Variants in GRID2 observed in about 807,000 individuals in gnomAD.
GRID2 encodes the protein glutamate receptor ionotropic, delta-2.
A neutral mutation model predicts 114.8 loss-of-function variants in GRID2; 33 were observed. The observed-to-expected ratio is 0.29, with a 90% CI of 0.22 to 0.38. The LOEUF is 0.38. Ranked by LOEUF, GRID2 falls within the 10% of genes least tolerant of loss-of-function variation. GRID2 has a pLI of 1.00. For missense variants in GRID2, 1,184 were observed against 1,257.7 expected (o/e 0.94, Z 0.89); for synonymous variants, 505 against 449.9 (o/e 1.12, Z -1.55).
At chr4:93,265,437 C>T (rs1234131431) in intron 8 of GRID2, among the ~76,000 whole-genome samples, 1 of 152,100 alleles carries the variant, frequency 6.6e-6, no homozygotes, top group Non-Finnish European at 1.5e-5. Context: ...AATTTAGAAA[C>T]TATAGTAAAT....
intron 12 of GRID2, among the ~76,000 whole-genome samples, chr4:93,495,691 A>G (rs557475082): frequency 2.0e-4 from 30 of 151,756 alleles, no homozygotes; most frequent in Non-Finnish European, 3.8e-4. Context: ...ATTTACAGCA[A>G]TTAACTAGTA....
intron 8 of GRID2, among the ~76,000 whole-genome samples, chr4:93,366,494 A>G (rs574973916): frequency 1.3e-5 from 2 of 152,202 alleles, no homozygotes; most frequent in South Asian, 2.1e-4. Flanking sequence ...GTTGTCAATG[A>G]CAATGGTGCC....
chr4:93,028,443 C>T (rs1578791358), intron 2 of GRID2, among the ~76,000 whole-genome samples: 1 of 151,712 alleles, frequency 6.6e-6, no homozygotes, highest in Non-Finnish European at 1.5e-5. Flanking sequence ...AGAAATGAGA[C>T]CGGAAAGAGT....
At chr4:92,385,900 G>GTATA (rs34904839) in intron 1 of GRID2, among the ~76,000 whole-genome samples, 1,381 of 61,088 alleles carry the variant, frequency 0.023, 15 homozygotes, top group Non-Finnish European at 0.04. Context: ...GTGTGTGTGT[G>GTATA]TATATATATA....
chr4:92,419,716 TCTTC>T (rs1329671604), intron 1 of GRID2, among the ~76,000 whole-genome samples: 2 of 152,020 alleles, frequency 1.3e-5, no homozygotes, highest in Non-Finnish European at 2.9e-5. Flanking sequence ...AAAATCACCT[TCTTC>T]CTTCCTTTTT....
At chr4:93,344,984 AGTGTGTGTGT>A (rs35018148) in intron 8 of GRID2, among the ~76,000 whole-genome samples, 23 of 142,498 alleles carry the variant, frequency 1.6e-4, no homozygotes, top group Non-Finnish European at 2.2e-4. Context: ...GTTGTATTCT[AGTGTGTGTGT>A]GTGTGTGTGT....
chr4:93,718,127 A>C (rs1278308998), intron 14 of GRID2, among the ~76,000 whole-genome samples: 3 of 152,220 alleles, frequency 2.0e-5, no homozygotes, highest in Non-Finnish European at 4.4e-5. Context: ...AGTATTTTAG[A>C]GGCACAGTGC....
chr4:93,440,197 CT>C (rs1220543642), intron 10 of GRID2, among the ~76,000 whole-genome samples: 1 of 152,052 alleles, frequency 6.6e-6, no homozygotes, highest in African/African-American at 2.4e-5. Context: ...ATTTTCATTA[CT>C]GCAAACCAGC....
intron 1 of GRID2, among the ~76,000 whole-genome samples, chr4:92,321,241 C>CT (rs1382275318): frequency 6.6e-6 from 1 of 152,112 alleles, no homozygotes; most frequent in African/African-American, 2.4e-5. Context: ...CTTCGGGCCT[C>CT]TTTTTTCCAC....
rs186458712 is a variant in GRID2, at chr4:93,267,538, G to A, written c.1245+29048G>A. Among the ~76,000 whole-genome samples, 936 of 152,234 alleles carry A rather than the reference G, an allele frequency of 6.1e-3. 9 individuals are homozygous for A. The highest frequency in any genetic ancestry group is 0.021 in the African/African-American group (880 of 41,532). On this transcript the variant is annotated intron_variant, in intron 8 of 15. Transcript: ENST00000282020. ...TGCCAACCTGGCAGGGCTTTCTCCC[G>A]CCACCCAAAGCTAGTGCTAAGTCAG...
intron 4 of GRID2, among the ~76,000 whole-genome samples, chr4:93,142,354 G>A (rs1040114069): frequency 5.3e-5 from 8 of 152,098 alleles, no homozygotes; most frequent in East Asian, 1.9e-4. Context: ...ATGGATGCTA[G>A]GAGGTCCAAG....
chr4:92,534,508 C>G (rs1350699014), intron 1 of GRID2, among the ~76,000 whole-genome samples: 1 of 152,120 alleles, frequency 6.6e-6, no homozygotes, highest in Non-Finnish European at 1.5e-5. Flanking sequence ...AGTTTAAATA[C>G]TGAACAAGTC....
At chr4:92,998,334 G>T (rs1755330578) in intron 2 of GRID2, among the ~76,000 whole-genome samples, 1 of 151,846 alleles carries the variant, frequency 6.6e-6, no homozygotes, top group Non-Finnish European at 1.5e-5. Context: ...CTTAATCAAA[G>T]AAAATTATAT....
At chr4:93,180,985 C>A (rs1310284893) in intron 4 of GRID2, among the ~76,000 whole-genome samples, 3 of 152,122 alleles carry the variant, frequency 2.0e-5, no homozygotes, top group Non-Finnish European at 4.4e-5. Context: ...CATGAATATT[C>A]TTAATGGCAT....
intron 2 of GRID2, among the ~76,000 whole-genome samples, chr4:92,736,983 A>G (rs1211748434): frequency 6.6e-6 from 1 of 152,090 alleles, no homozygotes; most frequent in Non-Finnish European, 1.5e-5. Flanking sequence ...TTCCAGACAG[A>G]CATAGAACAA....
At chr4:93,528,414 ATTT>A (rs760578146) in intron 13 of GRID2, among the ~76,000 whole-genome samples, 3 of 133,600 alleles carry the variant, frequency 2.2e-5, no homozygotes, top group Admixed American at 7.5e-5. Context: ...CAAGAGTTCC[ATTT>A]TTTTTTTTTT....
chr4:92,484,560 T>G (rs1012415527), intron 1 of GRID2, among the ~76,000 whole-genome samples: 1 of 152,116 alleles, frequency 6.6e-6, no homozygotes, highest in African/African-American at 2.4e-5. Context: ...AGAGACACAT[T>G]CAATATTTTA....
chr4:92,541,332 A>G (rs1275333752), intron 1 of GRID2, among the ~76,000 whole-genome samples: 1 of 152,060 alleles, frequency 6.6e-6, no homozygotes, highest in African/African-American at 2.4e-5. Context: ...AAAAAAAGAA[A>G]TCAAAATCTT....
At chr4:93,127,704 C>T (rs1257643170) in intron 4 of GRID2, among the ~76,000 whole-genome samples, 2 of 151,806 alleles carry the variant, frequency 1.3e-5, no homozygotes, top group African/African-American at 2.4e-5. Flanking sequence ...ATTACTAGTA[C>T]GGAGTGTGCT....
Sources: gnomAD v4.1 joint callset for allele counts (sites outside exome capture counted in the v4.1 genomes callset) on GRCh38, gnomAD v4.1.1 for gene constraint, MANE v1.5 for transcripts, NCBI Gene and HGNC (gene_info 2026-07-23, HGNC 2026-07-21) for gene names.